Variants in CNTLN observed in about 807,000 individuals in gnomAD.
CNTLN encodes centlein, centrosomal protein.
A neutral mutation model predicts 180.0 loss-of-function variants in CNTLN; 212 were observed. That is an observed-to-expected ratio of 1.18 (90% CI 1.05 to 1.32). The LOEUF (loss-of-function observed/expected upper bound fraction) is 1.32. Ranked by LOEUF, CNTLN falls within the 40% of genes most tolerant of loss-of-function variation. CNTLN has a pLI of 0.00. For synonymous variants in CNTLN, 722 were observed against 563.1 expected, an observed-to-expected ratio of 1.28 and a Z score of -3.99; for missense variants, 2,095 against 1,610.9, an observed-to-expected ratio of 1.30 and a Z score of -5.14.
intron 2 of CNTLN, among the ~76,000 whole-genome samples, chr9:17,162,316 G>T (rs977926778): frequency 1.3e-5 from 2 of 152,044 alleles, no homozygotes; most frequent in Admixed American, 1.3e-4. Flanking sequence ...GGGTCTCACT[G>T]TGTTAGGCAG....
In CNTLN at chr9:17,330,783, T is replaced by C; in HGVS notation, c.1493T>C (p.Met498Thr). The change falls in exon 9 of 26, where the codon ATG becomes ACG. Residue 498 changes from methionine (M) to threonine (T), a missense_variant. Transcript: ENST00000380647. ...ANKGFSRKSI[M>T]TSAEGKHKEP... ...AAGGGTTTCTCCCGAAAGAGCATCA[T>C]GACAAGTGCTGAAGGAAAACATAAG... 2.5e-6 allele frequency: 4 copies of C among 1,608,452 alleles called. No homozygotes were observed. Among genetic ancestry groups the C allele is most frequent in the Non-Finnish European group, 3.4e-6 (4 of 1,177,286 alleles).
At chr9:17,518,036 CTTTTTTTTTTTTT>C in the CNTLN span, among the ~76,000 whole-genome samples, 3 of 69,244 alleles carry the variant, frequency 4.3e-5, no homozygotes, top group South Asian at 7.5e-4. Context: ...TTTTCTTTTC[CTTTTTTTTTTTTT>C]TTTTTTTTTT....
At chr9:17,372,039 T>C (rs1307688657) in intron 13 of CNTLN, among the ~76,000 whole-genome samples, 2 of 151,852 alleles carry the variant, frequency 1.3e-5, no homozygotes, top group Non-Finnish European at 2.9e-5. Context: ...AACTTAACGA[T>C]GCATCTTGAA....
the CNTLN span, among the ~76,000 whole-genome samples, chr9:17,511,940 A>T: frequency 6.6e-6 from 1 of 152,074 alleles, no homozygotes. Flanking sequence ...AATTACAACT[A>T]CTTCTTGGTA....
At chr9:17,172,539 G>C (rs1208218256) in intron 2 of CNTLN, among the ~76,000 whole-genome samples, 1 of 151,972 alleles carries the variant, frequency 6.6e-6, no homozygotes, top group Non-Finnish European at 1.5e-5. Flanking sequence ...TTATTTTTAG[G>C]GGAGGAAGAC....
chr9:17,473,774 T>C (rs1209791767), intron 23 of CNTLN, among the ~76,000 whole-genome samples: 1 of 152,128 alleles, frequency 6.6e-6, no homozygotes, highest in Non-Finnish European at 1.5e-5. Flanking sequence ...TCAATCTTAT[T>C]ACCCCGCCAA....
chr9:17,265,189 G>C (rs1397262718), intron 5 of CNTLN, among the ~76,000 whole-genome samples: 6 of 147,032 alleles, frequency 4.1e-5, no homozygotes, highest in Non-Finnish European at 6.0e-5. Context: ...GTCATAGATA[G>C]CTCTTATTAT....
At chr9:17,289,816 C>T (rs1293460468) in intron 6 of CNTLN, among the ~76,000 whole-genome samples, 4 of 141,544 alleles carry the variant, frequency 2.8e-5, no homozygotes, top group African/African-American at 1.1e-4. Flanking sequence ...CCTGAGGCTT[C>T]TGCATTGTTC....
chr9:17,340,501 A>G lies in CNTLN; in HGVS notation c.1645-326A>G, dbSNP rs187689448. On this transcript the variant is annotated intron_variant, in intron 10 of 25. Transcript: ENST00000380647. ...ATGTATAGATAAAACCTTATGCTGA[A>G]AAAGAAAATAATTAAAAACATGTAA... 9.9e-4 allele frequency among the ~76,000 whole-genome samples: 151 copies of G among 152,336 alleles called. 1 individual carries two copies. The highest frequency in any genetic ancestry group is 2.4e-3 in the Admixed American group (37 of 15,302).
chr9:17,276,424 G>C (rs1045259132), intron 6 of CNTLN, among the ~76,000 whole-genome samples: 1 of 152,060 alleles, frequency 6.6e-6, no homozygotes, highest in African/African-American at 2.4e-5. Flanking sequence ...TGGAAAAAGT[G>C]GTCTAGGCAC....
chr9:17,192,168 C>T (rs1157899090), intron 2 of CNTLN, among the ~76,000 whole-genome samples: 4 of 151,704 alleles, frequency 2.6e-5, no homozygotes, highest in South Asian at 4.2e-4. Flanking sequence ...TATTATGGGC[C>T]ATACACAGTT....
chr9:17,154,994 C>T (rs1241033238), intron 2 of CNTLN, among the ~76,000 whole-genome samples: 1 of 152,126 alleles, frequency 6.6e-6, no homozygotes, highest in Non-Finnish European at 1.5e-5. Flanking sequence ...CGGCTTCACT[C>T]CTGAAGTCAG....
chr9:17,351,047 G>T (rs1403696118), intron 12 of CNTLN, among the ~76,000 whole-genome samples: 1 of 152,072 alleles, frequency 6.6e-6, no homozygotes, highest in Non-Finnish European at 1.5e-5. Flanking sequence ...GGTAACTAAA[G>T]GATACTTTTT....
At chr9:17,161,670 T>G (rs1819689538) in intron 2 of CNTLN, among the ~76,000 whole-genome samples, 1 of 152,212 alleles carries the variant, frequency 6.6e-6, no homozygotes, top group African/African-American at 2.4e-5. Flanking sequence ...AACTTTGAGT[T>G]TGGAGTAAAG....
intron 7 of CNTLN, among the ~76,000 whole-genome samples, chr9:17,304,996 AT>A: frequency 6.6e-6 from 1 of 152,288 alleles, no homozygotes. Context: ...GATGATTTCA[AT>A]TCTTAAACAA....
chr9:17,218,363 T>G (rs1389940090), intron 2 of CNTLN, among the ~76,000 whole-genome samples: 2 of 152,140 alleles, frequency 1.3e-5, no homozygotes, highest in African/African-American at 4.8e-5. Context: ...ATATTTGCTT[T>G]TACTGTGGAG....
intron 2 of CNTLN, among the ~76,000 whole-genome samples, chr9:17,194,141 G>C (rs907796474): frequency 6.6e-6 from 1 of 151,884 alleles, no homozygotes; most frequent in African/African-American, 2.4e-5. Context: ...CCTGTGATGG[G>C]AGGGGCTGCT....
the CNTLN span, among the ~76,000 whole-genome samples, chr9:17,510,693 C>T: frequency 6.6e-6 from 1 of 152,226 alleles, no homozygotes; most frequent in Non-Finnish European, 1.5e-5. Context: ...GCCCACTCTG[C>T]AGATTTTGGA....
intron 2 of CNTLN, among the ~76,000 whole-genome samples, chr9:17,218,936 C>G (rs79486536): frequency 0.027 from 4,140 of 152,040 alleles, 196 homozygotes; most frequent in African/African-American, 0.094. Context: ...AATTTTGTTT[C>G]TTAATGATTC....
Sources: gnomAD v4.1 joint callset for allele counts (sites outside exome capture counted in the v4.1 genomes callset) on GRCh38, gnomAD v4.1.1 for gene constraint, MANE v1.5 for transcripts, NCBI Gene and HGNC (gene_info 2026-07-23, HGNC 2026-07-21) for gene names.